DNAAF8: variants seen among roughly 807,000 people sequenced by gnomAD.
DNAAF8 encodes the protein dynein axonemal assembly factor 8, also known as dynein axonemal-associated protein 1.
A neutral mutation model predicts 54.6 loss-of-function variants in DNAAF8; 61 were observed. That is an observed-to-expected ratio of 1.12 (90% CI 0.91 to 1.38). The LOEUF (loss-of-function observed/expected upper bound fraction) is 1.38. Ranked by LOEUF, DNAAF8 falls within the 40% of genes most tolerant of loss-of-function variation. The pLI, the probability that DNAAF8 is intolerant of heterozygous loss-of-function variation, is 0.00. For synonymous variants in DNAAF8, 320 were observed against 270.1 expected, an observed-to-expected ratio of 1.18 and a Z score of -1.81; for missense variants, 837 against 665.0, an observed-to-expected ratio of 1.26 and a Z score of -2.85.
Position 4,744,929 on chromosome 16 carries a change from A to G in DNAAF8, c.961A>G (p.Thr321Ala), listed in dbSNP as rs1206762122. The change falls in exon 6 of 10, where the codon ACG becomes GCG. Residue 321 changes from threonine to alanine, a missense_variant. Coordinates refer to ENST00000299320, the MANE Select transcript of DNAAF8 (RefSeq NM_139170.3). ...LMEQLALLCT[T>A]QSKASACARK... The stretch of plus-strand genomic sequence containing the variant: ...GGAACAGCTGGCCCTCCTGTGCACC[A>G]CGCAGTCCAAGGCCTCTGCTTGTGC... 2 of 1,613,770 alleles carry G rather than the reference A, an allele frequency of 1.2e-6. No homozygotes were observed. Among genetic ancestry groups the G allele is most frequent in the African/African-American group, 1.3e-5 (1 of 74,926 alleles).
At chr16:4,746,568 G>T in intron 7 of DNAAF8, 56 bp downstream of exon 7, 1 of 1,558,658 alleles carries the variant, frequency 6.4e-7, no homozygotes, top group South Asian at 1.2e-5. Context: ...GTTGCCTGTT[G>T]ACCGCACAGA....
At chr16:4,743,228 C>T (rs1255140007) in intron 5 of DNAAF8, 68 bp downstream of exon 5, 3 of 1,148,372 alleles carry the variant, frequency 2.6e-6, no homozygotes, top group Non-Finnish European at 3.8e-6. Flanking sequence ...CCCTCAGACA[C>T]AGAGGGCTGC....
At position 4,740,561 on chromosome 16, in the gene DNAAF8, G is replaced by T. The variant is rs779886072; in HGVS notation, c.685G>T (p.Gly229Trp). The T allele has an allele frequency of 8.1e-6, 13 of 1,613,812 alleles. No individual in the cohort carries two copies. The highest frequency in any genetic ancestry group is 1.3e-5 in the African/African-American group (1 of 74,924). ...ACGPTSSDKG[G>W]VKEAPCHAAE... ...CGGCCCGACCAGCAGTGACAAAGGT[G>T]GGGTGAAGGAGGCGCCCTGCCACGC... The change falls in exon 4 of 10, where the codon GGG becomes TGG. Residue 229 changes from glycine (G) to tryptophan (W), a missense_variant. Gly to Trp is a radical substitution (Grantham distance 184). Transcript: ENST00000299320.
chr16:4,746,399 C>T lies in DNAAF8; in HGVS notation c.1068C>T (p.Ser356=). The change falls in exon 7 of 10, where the codon TCC becomes TCT. Residue 356 remains serine (S), a synonymous_variant. Transcript: ENST00000299320. ...GATGTGCCTCAAGGAAGCAGGGCTC[C>T]CAGGCTGGGCCAGGCCCGCAGCTGG... ...GSRCASRKQG[S]QAGPGPQLAQ... 6.2e-7 allele frequency: 1 copy of T among 1,612,734 alleles called. No individual in the cohort carries two copies. Among genetic ancestry groups the T allele is most frequent in the Non-Finnish European group, 8.5e-7 (1 of 1,179,534 alleles).
At chr16:4,747,165 T>TC in intron 8 of DNAAF8, 140 bp downstream of exon 8, 1 of 1,203,380 alleles carries the variant, frequency 8.3e-7, no homozygotes, top group Non-Finnish European at 1.2e-6. Context: ...GGCACAGCTT[T>TC]CATCATCCTG....
chr16:4,747,280 T>C, intron 8 of DNAAF8, 63 bp from the exon 9 acceptor site: 5 of 1,493,042 alleles, frequency 3.3e-6, no homozygotes, highest in South Asian at 1.3e-5. Context: ...CCTGTTTCAG[T>C]AAGGAGGGCT....
At position 4,740,158 on chromosome 16, in the gene DNAAF8, T is replaced by TCTGGTGC. The variant is rs1469336323; in HGVS notation, c.286_292dup (p.Ala98GlyfsTer33). ...CATACCTGTTTTCTTGACAGCCAGT[T>TCTGGTGC]CTGGTGCCTGCAGAATTGGCCACAG... On this transcript the variant is annotated frameshift_variant, in exon 4 of 10. Transcript: ENST00000299320. LOFTEE classifies it high-confidence loss of function. 2 of 1,604,046 alleles carry TCTGGTGC rather than the reference T, an allele frequency of 1.2e-6. No homozygotes were observed. The highest frequency in any genetic ancestry group is 2.7e-5 in the African/African-American group (2 of 74,546).
intron 3 of DNAAF8, among the ~76,000 whole-genome samples, chr16:4,738,906 A>G (rs964548889): frequency 6.6e-6 from 1 of 152,050 alleles, no homozygotes; most frequent in Non-Finnish European, 1.5e-5. Context: ...AATAATAAAG[A>G]AAAGAAAACA....
At chr16:4,745,203 C>G (rs1325427496) in intron 6 of DNAAF8, among the ~76,000 whole-genome samples, 192 bp downstream of exon 6, 1 of 152,234 alleles carries the variant, frequency 6.6e-6, no homozygotes, top group African/African-American at 2.4e-5. Context: ...GAGAGGTTGA[C>G]TCTCTCTGGC....
At chr16:4,746,609 G>A (rs1277479936) in intron 7 of DNAAF8, 97 bp downstream of exon 7, 11 of 1,421,734 alleles carry the variant, frequency 7.7e-6, no homozygotes, top group Non-Finnish European at 1.0e-5. Flanking sequence ...GGGAGGAACA[G>A]GGACTTCAAA....
At chr16:4,739,265 G>GGTTTTTTGTTTTTTTTTTT (rs1555482695) in intron 3 of DNAAF8, among the ~76,000 whole-genome samples, 1 of 69,030 alleles carries the variant, frequency 1.4e-5, no homozygotes, top group South Asian at 6.4e-4. Flanking sequence ...ATTTTTTCTT[G>GGTTTTTTGTTTTTTTTTTT]TTTTTTTTTT....
At chr16:4,748,438 T>G (rs907856473) in intron 9 of DNAAF8, 1 of 152,186 alleles carries the variant, frequency 6.6e-6, no homozygotes, top group African/African-American at 2.4e-5. Flanking sequence ...ACATAGATTC[T>G]CAAGGCCTTT....
intron 2 of DNAAF8, among the ~76,000 whole-genome samples, chr16:4,737,400 C>CA (rs1252672081): frequency 1.3e-5 from 2 of 152,220 alleles, no homozygotes. Context: ...TTCAAGAAGA[C>CA]AAACTAAGCT....
Position 4,740,540 on chromosome 16 carries a change from C to G in DNAAF8, c.664C>G (p.Pro222Ala). 1 of 1,613,996 alleles carries G rather than the reference C, an allele frequency of 6.2e-7. No individual in the cohort carries two copies. The highest frequency in any genetic ancestry group is 8.5e-7 in the Non-Finnish European group (1 of 1,180,014). ...LQKVTRDACG[P>A]TSSDKGGVKE... ...GAAAGTCACCCGGGATGCCTGCGGC[C>G]CGACCAGCAGTGACAAAGGTGGGGT... is the stretch of plus-strand genomic sequence containing the variant. Residue 222 changes from proline to alanine, a missense_variant, in exon 4 of 10, where the codon CCG (proline) becomes GCG (alanine). Coordinates refer to ENST00000299320, the MANE Select transcript of DNAAF8 (RefSeq NM_139170.3).
intron 4 of DNAAF8, among the ~76,000 whole-genome samples, chr16:4,741,233 CAAAAAAAA>C (rs756159698): frequency 9.9e-5 from 7 of 70,840 alleles, no homozygotes; most frequent in Admixed American, 3.5e-4. Flanking sequence ...GACTCCATCT[CAAAAAAAA>C]AAAAAAAGAA....
At chr16:4,736,349 AGGC>A in intron 1 of DNAAF8, 112 bp from the exon 2 acceptor site, 1 of 655,168 alleles carries the variant, frequency 1.5e-6, no homozygotes, top group Non-Finnish European at 2.2e-6. Context: ...AAGGAAACTG[AGGC>A]AGGTGGTGAG....
chr16:4,735,282 G>A (rs557414472), intron 1 of DNAAF8: 2 of 152,306 alleles, frequency 1.3e-5, no homozygotes, highest in South Asian at 4.1e-4. Flanking sequence ...CTGAATTGCG[G>A]AACAGAGCTC....
At chr16:4,735,262 A>G (rs537486536) in intron 1 of DNAAF8, 2 of 152,342 alleles carry the variant, frequency 1.3e-5, no homozygotes, top group African/African-American at 4.8e-5. Context: ...GCCCTAAGAA[A>G]TACTGTGCCC....
intron 2 of DNAAF8, among the ~76,000 whole-genome samples, chr16:4,737,233 T>C (rs991078129): frequency 2.0e-5 from 3 of 151,998 alleles, no homozygotes; most frequent in Non-Finnish European, 4.4e-5. Flanking sequence ...ACGGGCAGGG[T>C]TTGGGTCCTA....
Sources: gnomAD v4.1 joint callset for allele counts (sites outside exome capture counted in the v4.1 genomes callset) on GRCh38, gnomAD v4.1.1 for gene constraint, MANE v1.5 for transcripts, NCBI Gene and HGNC (gene_info 2026-07-23, HGNC 2026-07-21) for gene names.